Variants in TK2 observed in about 807,000 individuals in gnomAD.
The protein encoded by TK2 is thymidine kinase 2, mitochondrial.
A neutral mutation model predicts 41.9 loss-of-function variants in TK2; 35 were observed. That is an observed-to-expected ratio of 0.84 (90% CI 0.64 to 1.11). The LOEUF is 1.11. TK2 is among the 50% of genes least tolerant of loss of function. The pLI, the probability that TK2 is intolerant of heterozygous loss-of-function variation, is 0.00. For missense variants in TK2, 320 were observed against 351.1 expected (o/e 0.91, Z 0.71); for synonymous variants, 128 against 129.1 (o/e 0.99, Z 0.06).
rs1965684620 is a variant in TK2 at position 66,548,731 on chromosome 16, G to C, written c.156+247C>G. The C allele has an allele frequency of 2.2e-5, 11 of 506,132 alleles. 1 individual carries two copies. The South Asian group carries it at 2.6e-4, about 12-fold the overall frequency. The allele number at this position is 506,132 out of a possible 1,614,324, so 31.4% of individuals were successfully genotyped here. On this transcript the variant is annotated intron_variant, in intron 2 of 9. Transcript: ENST00000544898. ...CACAATCATCCCTTAAGCTTTAACA[G>C]CCCAAATCTACCTGAAGGATACAAA... is the stretch of plus-strand genomic sequence containing the variant.
chr16:66,540,976 C>T (rs1567538981), intron 3 of TK2, among the ~76,000 whole-genome samples: 1 of 152,192 alleles, frequency 6.6e-6, no homozygotes, highest in Non-Finnish European at 1.5e-5. Context: ...TTGAGCATCC[C>T]TAATTGAAAA....
At chr16:66,537,061 A>G in intron 3 of TK2, 44 bp from the exon 4 acceptor site, 1 of 1,609,132 alleles carries the variant, frequency 6.2e-7, no homozygotes, top group Non-Finnish European at 8.5e-7. Flanking sequence ...CTCTGTGCTG[A>G]ACCCTGTAAA....
rs145698819 is a variant in TK2 at position 66,511,764 on chromosome 16, C to T, written c.*204G>A. On this transcript the variant is annotated 3_prime_UTR_variant, in exon 10 of 10. Coordinates refer to ENST00000544898, the MANE Select transcript of TK2 (RefSeq NM_004614.5). ...AGGCTGCGAACAGCAAAGGGCTTGG[C>T]AAACCCATTGGTCCCGTTTGTCATT... 83 of 632,394 alleles carry T rather than the reference C, an allele frequency of 1.3e-4. No homozygotes were observed. The African/African-American group carries it at 1.4e-3, about 11-fold the overall frequency. The allele number at this position is 632,394 out of a possible 1,614,324, so 39.2% of individuals were successfully genotyped here.
rs1382387153 is a variant in TK2 at position 66,511,813 on chromosome 16, T to C, written c.*155A>G. 4 of 712,598 alleles carry C rather than the reference T, an allele frequency of 5.6e-6. No homozygotes were observed. The highest frequency in any genetic ancestry group is 3.5e-5 in the African/African-American group (2 of 57,210). The allele number at this position is 712,598 out of a possible 1,614,324, so 44.1% of individuals were successfully genotyped here. ...TTTACCCACGAGGGCCAGAGACGCA[T>C]GACAAAGACACTAGCAAAGGAGATG... On this transcript the variant is annotated 3_prime_UTR_variant, in exon 10 of 10. Transcript: ENST00000544898.
intron 2 of TK2, among the ~76,000 whole-genome samples, chr16:66,547,731 T>G (rs1965653001): frequency 1.3e-5 from 2 of 151,726 alleles, no homozygotes; most frequent in African/African-American, 4.8e-5. Flanking sequence ...GACTCCCAAA[T>G]GTCAGGGCTG....
At chr16:66,529,567 G>A (rs987557065) in intron 5 of TK2, among the ~76,000 whole-genome samples, 3 of 152,230 alleles carry the variant, frequency 2.0e-5, no homozygotes, top group Non-Finnish European at 2.9e-5. Context: ...TGGTAAGAAC[G>A]ATGCCCAAGA....
intron 2 of TK2, among the ~76,000 whole-genome samples, chr16:66,546,155 A>G (rs948167593): frequency 3.3e-5 from 5 of 152,172 alleles, no homozygotes; most frequent in African/African-American, 1.2e-4. Context: ...ACCTGAGACC[A>G]GGAAGTCAAG....
chr16:66,518,189 G>C, intron 6 of TK2: 1 of 394,742 alleles, frequency 2.5e-6, no homozygotes, highest in Middle Eastern at 8.1e-4. Context: ...CAGAGACAGT[G>C]CTCAGGTTAG....
intron 5 of TK2, 83 bp from the exon 6 acceptor site, chr16:66,529,150 C>T: frequency 3.1e-6 from 4 of 1,290,148 alleles, no homozygotes; most frequent in Admixed American, 3.4e-5. Flanking sequence ...GTTACTCCCC[C>T]TGCCTGGGGA....
chr16:66,541,964 A>G lies in TK2; in HGVS notation c.157-11T>C. The G allele has an allele frequency of 6.2e-7, 1 of 1,614,008 alleles. No individual in the cohort carries two copies. The highest frequency in any genetic ancestry group is 8.5e-7 in the Non-Finnish European group (1 of 1,179,926). On this transcript the variant is annotated splice_polypyrimidine_tract_variant and intron_variant, in intron 2 of 9. Coordinates refer to ENST00000544898, the MANE Select transcript of TK2 (RefSeq NM_004614.5). ...GCCCTCGACACAGATCTGGCAAAAG[A>G]CGAATGCATATTAGAGCCAGAACTC...
At position 66,512,126 on chromosome 16, in the gene TK2, C is replaced by T. The variant is rs141234377; in HGVS notation, c.700-60G>A. 0.04 allele frequency: 57,450 copies of T among 1,423,002 alleles called. 1,323 individuals carry two copies. The highest frequency in any genetic ancestry group is 0.046 in the Non-Finnish European group (46,236 of 1,006,224). 88.1% of individuals were successfully genotyped at this position (1,423,002 alleles called of 1,614,324 possible). A position where few individuals can be genotyped will look rare whatever the true frequency, so the allele number is the denominator to read the frequency against. ...TGACCTCAGCAGCATCCTCCTTTCACAGCTGGAGACAGACAGATGGAAGCA... is the reference window on the plus strand; with the variant it reads ...TGACCTCAGCAGCATCCTCCTTTCATAGCTGGAGACAGACAGATGGAAGCA... On this transcript the variant is annotated intron_variant, in intron 9 of 9. Coordinates refer to ENST00000544898, the MANE Select transcript of TK2 (RefSeq NM_004614.5).
rs1283025190 is a variant in TK2, at chr16:66,514,384, G to T, written c.619-573C>A. On this transcript the variant is annotated intron_variant, in intron 8 of 9. Transcript: ENST00000544898. The surrounding 1 kb of genome is among the most constrained non-coding windows in gnomAD (Gnocchi z 4.2). ...GATCCGCCAGCCTCGGCCTCCCGAG[G>T]TGCCGGGATTGCAGACGGAGTCTGG... is the stretch of plus-strand genomic sequence containing the variant. Among the ~76,000 whole-genome samples, 1 of 152,258 alleles carries T rather than the reference G, an allele frequency of 6.6e-6. No homozygotes were observed. Among genetic ancestry groups the T allele is most frequent in the Admixed American group, 6.5e-5 (1 of 15,290 alleles).
rs2144356220 is a variant in TK2 at position 66,517,770 on chromosome 16, T to C, written c.538+19A>G. The C allele has an allele frequency of 6.2e-7, 1 of 1,610,880 alleles. No homozygotes were observed. Among genetic ancestry groups the C allele is most frequent in the African/African-American group, 1.3e-5 (1 of 74,694 alleles). On this transcript the variant is annotated intron_variant, in intron 7 of 9. Coordinates refer to ENST00000544898, the MANE Select transcript of TK2 (RefSeq NM_004614.5). This position sits in a 1 kb window ranked among gnomAD's most constrained non-coding sequence, Gnocchi z 4.3. ...CCAGGAGAGAGACAAGAGAGGGAGG[T>C]GGGAGGGGTGCATCTCACCTATCAA...
chr16:66,548,908 TCTG>T, intron 2 of TK2, 67 bp downstream of exon 2: 3 of 1,473,862 alleles, frequency 2.0e-6, no homozygotes, highest in Non-Finnish European at 2.8e-6. Flanking sequence ...TGCTTTTTAC[TCTG>T]CTTTTTTCTC....
Position 66,511,851 on chromosome 16 carries a change from A to T in TK2, c.*117T>A. 1 of 853,768 alleles carries T rather than the reference A, an allele frequency of 1.2e-6. No individual in the cohort carries two copies. Among genetic ancestry groups the T allele is most frequent in the Non-Finnish European group, 2.0e-6 (1 of 508,544 alleles). 52.9% of individuals were successfully genotyped at this position (853,768 alleles called of 1,614,324 possible). ...AGCAAAGGAGATGAGACCATTAGGA[A>T]AATCAAGCTGGCCAGACACAAAGCC... On this transcript the variant is annotated 3_prime_UTR_variant, in exon 10 of 10. Transcript: ENST00000544898.
At chr16:66,535,926 C>T (rs2144430198) in intron 4 of TK2, among the ~76,000 whole-genome samples, 1 of 152,252 alleles carries the variant, frequency 6.6e-6, no homozygotes, top group South Asian at 2.1e-4. Flanking sequence ...AGGGCATGGC[C>T]GGGCACAGTG....
intron 4 of TK2, among the ~76,000 whole-genome samples, chr16:66,535,327 G>A (rs534098986): frequency 2.6e-5 from 4 of 152,212 alleles, no homozygotes; most frequent in Admixed American, 2.6e-4. Context: ...TTCTGAGGCT[G>A]TGATTCTGTC....
Position 66,517,098 on chromosome 16 carries a change from C to G in TK2, c.618+38G>C. ...AAGCCGGGTTGGACAGAGGTGGTTT[C>G]CCAGTTTGTCTTTAACCAAGTCAAA... On this transcript the variant is annotated intron_variant, in intron 8 of 9. Transcript: ENST00000544898. The surrounding 1 kb of genome is among the most constrained non-coding windows in gnomAD (Gnocchi z 4.3). 6.3e-7 allele frequency: 1 copy of G among 1,593,526 alleles called. No homozygotes were observed. The highest frequency in any genetic ancestry group is 8.6e-7 in the Non-Finnish European group (1 of 1,161,268).
At chr16:66,537,958 T>C (rs1965337274) in intron 3 of TK2, among the ~76,000 whole-genome samples, 2 of 151,320 alleles carry the variant, frequency 1.3e-5, no homozygotes, top group South Asian at 4.2e-4. Flanking sequence ...AGGTCAGGAG[T>C]TCAAGTCCAG....
Sources: allele counts gnomAD v4.1 joint callset (sites outside exome capture counted in the v4.1 genomes callset), GRCh38; gene constraint gnomAD v4.1.1; non-coding constraint Gnocchi (gnomAD v3.1); transcripts MANE v1.5; gene names NCBI Gene and HGNC (gene_info 2026-07-23, HGNC 2026-07-21).